ASH1L: variants seen among roughly 807,000 people sequenced by gnomAD.
ASH1L encodes the protein histone-lysine N-methyltransferase ASH1L.
Under a neutral mutation model 269.0 loss-of-function variants are expected in ASH1L, and 23 were observed. The observed-to-expected ratio is 0.09, with a 90% CI of 0.06 to 0.12. ASH1L has a LOEUF of 0.12. Among genes scored for constraint, ASH1L ranks in the 10% least tolerant of loss-of-function variants. ASH1L has a pLI of 1.00. For synonymous variants in ASH1L, 1,187 were observed against 1,253.5 expected (o/e 0.95, Z 1.12); for missense variants, 2,912 against 3,567.8 (o/e 0.82, Z 4.68).
chr1:155,540,639 C>A (rs1449299989), intron 1 of ASH1L, among the ~76,000 whole-genome samples: 2 of 152,092 alleles, frequency 1.3e-5, no homozygotes, highest in African/African-American at 4.8e-5. Flanking sequence ...TATGGTGGCT[C>A]ATGCCCATAG....
chr1:155,504,680 C>G (rs944994219), intron 2 of ASH1L, among the ~76,000 whole-genome samples: 2 of 151,984 alleles, frequency 1.3e-5, no homozygotes, highest in East Asian at 3.9e-4. Context: ...ATGGTGAAAC[C>G]GCATCTCTAC....
chr1:155,376,109 T>C (rs1656415450), intron 10 of ASH1L, among the ~76,000 whole-genome samples: 1 of 151,884 alleles, frequency 6.6e-6, no homozygotes, highest in Admixed American at 6.6e-5. Flanking sequence ...GTGTCATAAA[T>C]AAATAAAAAT....
In ASH1L at chr1:155,490,614, T is replaced by TCACACG. The variant is rs1553267800; in HGVS notation, c.421-8166_421-8165insCGTGTG. 7.0e-5 allele frequency among the ~76,000 whole-genome samples: 10 copies of TCACACG among 142,400 alleles called. No homozygotes were observed. The East Asian group carries it at 1.9e-3, about 27-fold the overall frequency. 93.4% of individuals were successfully genotyped at this position (142,400 alleles called of 152,430 possible). ...GTATGGGCTACACAGCCAGACTACG[T>TCACACG]CACACACACACACACACACACACAC... On this transcript the variant is annotated intron_variant, in intron 2 of 27. Coordinates refer to ENST00000392403, the MANE Select transcript of ASH1L (RefSeq NM_018489.3).
At chr1:155,407,206 G>C (rs1403455012) in intron 6 of ASH1L, among the ~76,000 whole-genome samples, 1 of 152,084 alleles carries the variant, frequency 6.6e-6, no homozygotes, top group South Asian at 2.1e-4. Flanking sequence ...CTGGGAGACA[G>C]AGCGAGACTC....
At chr1:155,381,311 T>C (rs370887239) in intron 7 of ASH1L, among the ~76,000 whole-genome samples, 1 of 151,664 alleles carries the variant, frequency 6.6e-6, no homozygotes, top group Admixed American at 6.6e-5. Context: ...TCCCAGCACT[T>C]TGGGAGGCCG....
Position 155,396,086 on chromosome 1 carries a change from T to C in ASH1L, c.6009-533A>G, listed in dbSNP as rs531012401. The C allele has an allele frequency of 1.3e-5, 2 of 152,276 alleles. 1 individual carries two copies. Among genetic ancestry groups the C allele is most frequent in the Admixed American group, 1.3e-4 (2 of 15,284 alleles). 9.4% of individuals were successfully genotyped at this position (152,276 alleles called of 1,614,324 possible). A position where few individuals can be genotyped will look rare whatever the true frequency, so the allele number is the denominator to read the frequency against. On this transcript the variant is annotated intron_variant, in intron 6 of 27. Transcript: ENST00000392403. ...TCAACATCTACTCACTATATTATTC[T>C]ATATTATTCTCTTGCTTTTATTCCA...
chr1:155,414,404 G>A (rs1436955221), intron 6 of ASH1L, among the ~76,000 whole-genome samples: 2 of 152,018 alleles, frequency 1.3e-5, no homozygotes, highest in Non-Finnish European at 2.9e-5. Context: ...CCGCCTCCCA[G>A]GTTCAAGCGA....
chr1:155,482,715 T>C (rs1398824108), intron 2 of ASH1L, among the ~76,000 whole-genome samples: 3 of 152,222 alleles, frequency 2.0e-5, no homozygotes, highest in Admixed American at 6.5e-5. Context: ...CCTGATATTT[T>C]TGACATTTTT....
intron 3 of ASH1L, among the ~76,000 whole-genome samples, chr1:155,474,099 G>A (rs1331727131): frequency 6.6e-6 from 1 of 152,124 alleles, no homozygotes; most frequent in Admixed American, 6.5e-5. Context: ...CTCCCAAAGT[G>A]CTGGGATTAC....
intron 6 of ASH1L, among the ~76,000 whole-genome samples, chr1:155,405,355 A>G (rs73008999): frequency 0.056 from 8,476 of 151,598 alleles, 795 homozygotes; most frequent in African/African-American, 0.2. Flanking sequence ...GTTGGCATGC[A>G]CCCATATTCC....
chr1:155,365,557 G>A (rs1193728767), intron 12 of ASH1L, among the ~76,000 whole-genome samples: 1 of 151,930 alleles, frequency 6.6e-6, no homozygotes, highest in Non-Finnish European at 1.5e-5. Context: ...TAAAACTCCT[G>A]TGAACAAAAT....
intron 2 of ASH1L, among the ~76,000 whole-genome samples, chr1:155,498,317 G>A (rs1203883245): frequency 1.3e-5 from 2 of 151,900 alleles, no homozygotes; most frequent in Non-Finnish European, 1.5e-5. Context: ...CGGATGGTGA[G>A]GGCTGCAAAA....
chr1:155,482,004 T>C lies in ASH1L; in HGVS notation c.866A>G (p.Lys289Arg), dbSNP rs1384146370. 6.2e-7 allele frequency: 1 copy of C among 1,614,178 alleles called. No individual in the cohort carries two copies. The highest frequency in any genetic ancestry group is 8.5e-7 in the Non-Finnish European group (1 of 1,180,024). Residue 289 changes from lysine (K) to arginine (R), a missense_variant, in exon 3 of 28, where the codon AAA becomes AGA. Physicochemically the swap from Lys to Arg is conservative, Grantham distance 26 (BLOSUM62 2). Around this residue, in one of 13 missense-constraint regions of ASH1L, gnomAD observed 277 missense variants for 367.7 expected, o/e 0.75. Coordinates refer to ENST00000392403, the MANE Select transcript of ASH1L (RefSeq NM_018489.3). Reference sequence around the variant, plus strand: ...TACTGCTGCATTAAACACTGGCTTTTTCCCAGGATCTTTAGTTACCAATCC... The same window carrying C: ...TACTGCTGCATTAAACACTGGCTTTCTCCCAGGATCTTTAGTTACCAATCC... ...AVGLVTKDPGKKPVFNAAVGL... is the reference protein window; with the variant it reads ...AVGLVTKDPGRKPVFNAAVGL...
chr1:155,437,131 T>C (rs1383377769), intron 5 of ASH1L, among the ~76,000 whole-genome samples: 5 of 152,294 alleles, frequency 3.3e-5, no homozygotes, highest in Admixed American at 6.5e-5. Context: ...TCAGAAAATT[T>C]TGTACGTCAA....
At chr1:155,400,858 AAAGATAAATT>A (rs1184464364) in intron 6 of ASH1L, among the ~76,000 whole-genome samples, 1 of 152,192 alleles carries the variant, frequency 6.6e-6, no homozygotes, top group Non-Finnish European at 1.5e-5. Flanking sequence ...GACCCAGACA[AAAGATAAATT>A]AAGATCATGC....
Position 155,415,957 on chromosome 1 carries a change from G to GA in ASH1L, c.5829-35dup, listed in dbSNP as rs11345039. On this transcript the variant is annotated intron_variant, in intron 5 of 27. Transcript: ENST00000392403. ...AGAAGTTTAAAGATAATTTTATTAT[G>GA]AAAAAAAAGTTTTCCTACAAATAAT... 1.1e-3 allele frequency: 1,527 copies of GA among 1,358,460 alleles called. 13 individuals carry two copies. The African/African-American group carries it at 0.021, about 19-fold the overall frequency. The allele number at this position is 1,358,460 out of a possible 1,614,324, so 84.2% of individuals were successfully genotyped here.
At chr1:155,444,850 C>A (rs1662883573) in intron 4 of ASH1L, among the ~76,000 whole-genome samples, 1 of 140,560 alleles carries the variant, frequency 7.1e-6, no homozygotes, top group South Asian at 2.1e-4. Flanking sequence ...ATCTCTTGAC[C>A]TCGTGATCCG....
At chr1:155,540,974 G>A (rs552144477) in intron 1 of ASH1L, among the ~76,000 whole-genome samples, 12 of 152,064 alleles carry the variant, frequency 7.9e-5, no homozygotes, top group Admixed American at 3.9e-4. Context: ...TCATTCCCTC[G>A]GGGAGACATT....
At chr1:155,379,941 C>T in intron 8 of ASH1L, 102 bp downstream of exon 8, 2 of 853,424 alleles carry the variant, frequency 2.3e-6, no homozygotes, top group East Asian at 4.9e-5. Context: ...CTGAAAACCT[C>T]CTAAGATGAA....
Sources: allele counts gnomAD v4.1 joint callset (sites outside exome capture counted in the v4.1 genomes callset), GRCh38; gene constraint gnomAD v4.1.1; regional missense constraint gnomAD v4.1.1; transcripts MANE v1.5; gene names NCBI Gene and HGNC (gene_info 2026-07-23, HGNC 2026-07-21).